The following AGXT2 variants were observed in gnomAD, a reference collection of about 807,000 sequenced individuals.
AGXT2 encodes alanine--glyoxylate aminotransferase 2, mitochondrial.
In AGXT2, 61 loss-of-function variants were observed where a neutral mutation model predicts 62.5. The ratio of observed to expected loss-of-function variants is 0.98; its 90% confidence interval spans 0.79 to 1.21. The LOEUF is 1.21. Ranked by LOEUF, AGXT2 falls within the 50% of genes most tolerant of loss-of-function variation. The pLI, the probability that AGXT2 is intolerant of heterozygous loss-of-function variation, is 0.00. For synonymous variants in AGXT2, 243 were observed against 218.7 expected (o/e 1.11, Z -0.98); for missense variants, 666 against 641.5 (o/e 1.04, Z -0.41).
intron 1 of AGXT2, among the ~76,000 whole-genome samples, chr5:35,045,302 G>A (rs909469862): frequency 2.0e-5 from 3 of 152,000 alleles, no homozygotes; most frequent in Non-Finnish European, 4.4e-5. Flanking sequence ...CACTTAAAAC[G>A]TGGTGACCTC....
At chr5:35,039,770 G>T (rs574221970) in intron 2 of AGXT2, among the ~76,000 whole-genome samples, 7 of 152,280 alleles carry the variant, frequency 4.6e-5, no homozygotes, top group Admixed American at 1.3e-4. Context: ...AAAAGCCTTG[G>T]CTCTGAGTTG....
Position 35,038,702 on chromosome 5 carries a change from A to C in AGXT2, c.362+622T>G, listed in dbSNP as rs114614695. ...AACTTAGTGTGAGGTTGCATTGGTC[A>C]GATTATTAAAGAAAAGAGAGAACAG... is the stretch of plus-strand genomic sequence containing the variant. On this transcript the variant is annotated intron_variant, in intron 3 of 13. Coordinates refer to ENST00000231420, the MANE Select transcript of AGXT2 (RefSeq NM_031900.4). Among the ~76,000 whole-genome samples, 654 of 152,318 alleles carry C rather than the reference A, an allele frequency of 4.3e-3. 7 individuals are homozygous for C. The highest frequency in any genetic ancestry group is 0.015 in the African/African-American group (631 of 41,570).
intron 12 of AGXT2, among the ~76,000 whole-genome samples, chr5:35,009,753 C>A (rs575302385): frequency 6.6e-6 from 1 of 152,180 alleles, no homozygotes; most frequent in Non-Finnish European, 1.5e-5. Context: ...ATGCTATTTG[C>A]CTAGGATGGC....
intron 9 of AGXT2, among the ~76,000 whole-genome samples, chr5:35,017,784 G>C (rs961694233): frequency 5.3e-5 from 8 of 152,194 alleles, no homozygotes; most frequent in Non-Finnish European, 1.0e-4. Context: ...CAAGCTATGA[G>C]AGGACATTCA....
intron 9 of AGXT2, among the ~76,000 whole-genome samples, chr5:35,016,309 G>A (rs1266473247): frequency 1.3e-5 from 2 of 152,204 alleles, no homozygotes; most frequent in African/African-American, 2.4e-5. Context: ...CTGTGATGAT[G>A]TCTTTTAGGT....
intron 7 of AGXT2, among the ~76,000 whole-genome samples, chr5:35,028,558 TGAGAGA>T (rs541190371): frequency 9.5e-3 from 100 of 10,536 alleles, no homozygotes; most frequent in African/African-American, 0.021. Context: ...GCAGGAAAGG[TGAGAGA>T]GAGAGAGAGA....
At chr5:35,026,051 C>A (rs1196028542) in intron 8 of AGXT2, 196 bp from the exon 9 acceptor site, 5 of 621,208 alleles carry the variant, frequency 8.0e-6, no homozygotes, top group African/African-American at 1.8e-5. Flanking sequence ...AAAAAAGATG[C>A]AAACATTGAT....
intron 4 of AGXT2, among the ~76,000 whole-genome samples, chr5:35,036,137 G>A (rs1198241474): frequency 6.6e-6 from 1 of 152,046 alleles, no homozygotes; most frequent in Non-Finnish European, 1.5e-5. Flanking sequence ...AAAGAATGGG[G>A]AGAATGAAAG....
chr5:35,023,541 T>A (rs1767201958), intron 9 of AGXT2, among the ~76,000 whole-genome samples: 1 of 152,246 alleles, frequency 6.6e-6, no homozygotes, highest in South Asian at 2.1e-4. Flanking sequence ...ACCTTCTCTT[T>A]AATTAGTCTG....
intron 1 of AGXT2, among the ~76,000 whole-genome samples, chr5:35,044,465 T>C (rs1768110295): frequency 6.6e-6 from 1 of 152,220 alleles, no homozygotes; most frequent in Non-Finnish European, 1.5e-5. Flanking sequence ...CTCTGTCCCA[T>C]GCGTGCTCTG....
intron 12 of AGXT2, among the ~76,000 whole-genome samples, chr5:35,005,890 G>A (rs545349752): frequency 5.9e-5 from 9 of 152,110 alleles, no homozygotes; most frequent in African/African-American, 2.2e-4. Flanking sequence ...AAATTCAAAT[G>A]TTCTGGAAGT....
intron 3 of AGXT2, among the ~76,000 whole-genome samples, chr5:35,037,619 C>T (rs546869092): frequency 6.6e-6 from 1 of 151,560 alleles, no homozygotes; most frequent in South Asian, 2.1e-4. Context: ...CAGGCACAAT[C>T]ATAGTGCACT....
intron 7 of AGXT2, among the ~76,000 whole-genome samples, chr5:35,028,683 T>A (rs969373061): frequency 1.3e-5 from 2 of 150,968 alleles, no homozygotes; most frequent in African/African-American, 4.9e-5. Context: ...GACTGAATCT[T>A]CAGAATTTTT....
chr5:35,023,979 C>T (rs1767224752), intron 9 of AGXT2, among the ~76,000 whole-genome samples: 1 of 151,956 alleles, frequency 6.6e-6, no homozygotes, highest in African/African-American at 2.4e-5. Flanking sequence ...TTGCAACCTC[C>T]ACCTCCTGGG....
intron 9 of AGXT2, among the ~76,000 whole-genome samples, chr5:35,021,259 C>T (rs1284873577): frequency 3.5e-4 from 53 of 152,260 alleles, no homozygotes; most frequent in African/African-American, 9.6e-4. Context: ...GAGCCCGCTT[C>T]GCCAAGTGAA....
rs940803717 is a variant in AGXT2 at position 35,010,298 on chromosome 5, G to A, written c.1189-149C>T. 10 of 1,071,292 alleles carry A rather than the reference G, an allele frequency of 9.3e-6. No homozygotes were observed. The African/African-American group carries it at 1.6e-4, about 17-fold the overall frequency. 66.4% of individuals were successfully genotyped at this position (1,071,292 alleles called of 1,614,324 possible). A position where few individuals can be genotyped will look rare whatever the true frequency, so the allele number is the denominator to read the frequency against. ...AGTGTGACCACAAGGACTACAAAAA[G>A]ATCTGTTGTAAGGAGAGAAGAAAAG... is the stretch of plus-strand genomic sequence containing the variant. On this transcript the variant is annotated intron_variant, in intron 11 of 13. Coordinates refer to ENST00000231420, the MANE Select transcript of AGXT2 (RefSeq NM_031900.4).
At chr5:35,034,605 G>A (rs1216600577) in intron 5 of AGXT2, among the ~76,000 whole-genome samples, 1 of 152,048 alleles carries the variant, frequency 6.6e-6, no homozygotes, top group Non-Finnish European at 1.5e-5. Flanking sequence ...ATTACCCAAG[G>A]GAGGCAACTG....
intron 7 of AGXT2, 113 bp from the exon 8 acceptor site, chr5:35,026,623 G>A (rs566354735): frequency 1.4e-4 from 149 of 1,060,032 alleles, no homozygotes; most frequent in South Asian, 7.6e-4. Flanking sequence ...GACAGGGTAA[G>A]TTAATCAGGG....
intron 1 of AGXT2, among the ~76,000 whole-genome samples, chr5:35,042,807 G>A (rs1398187796): frequency 6.6e-6 from 1 of 151,514 alleles, no homozygotes; most frequent in Non-Finnish European, 1.5e-5. Flanking sequence ...GAATGAATGA[G>A]ATTAGGATTA....
Sources: allele counts gnomAD v4.1 joint callset (sites outside exome capture counted in the v4.1 genomes callset), GRCh38; gene constraint gnomAD v4.1.1; transcripts MANE v1.5; gene names NCBI Gene and HGNC (gene_info 2026-07-23, HGNC 2026-07-21).